IL2RA: variants seen among roughly 807,000 people sequenced by gnomAD.
IL2RA encodes interleukin 2 receptor subunit alpha.
In IL2RA, 24 loss-of-function variants were observed where a neutral mutation model predicts 37.8. The ratio of observed to expected loss-of-function variants is 0.63; its 90% CI spans 0.46 to 0.89. The LOEUF (loss-of-function observed/expected upper bound fraction) is 0.89, where lower values mean the gene tolerates loss of function less well. Ranked by LOEUF, IL2RA falls within the 40% of genes least tolerant of loss-of-function variation. The probability of loss-of-function intolerance (pLI) is 0.00; values close to 1 mark genes in which losing one functional copy is unlikely to be tolerated. For synonymous variants in IL2RA, 125 were observed against 114.6 expected, an observed-to-expected ratio of 1.09 and a Z score of -0.58; for missense variants, 319 against 348.6, an observed-to-expected ratio of 0.92 and a Z score of 0.68.
intron 1 of IL2RA, among the ~76,000 whole-genome samples, chr10:6,032,616 T>C (rs1431537362): frequency 4.0e-5 from 6 of 151,240 alleles, no homozygotes; most frequent in South Asian, 4.2e-4. Flanking sequence ...TGGCGTGAAC[T>C]TGGGAGGTGG....
chr10:6,025,988 G>A lies in IL2RA; in HGVS notation c.102C>T (p.Ala34=), dbSNP rs1188550680. ...CDDDPPEIPH[A]TFKAMAYKEG... ...CCTTGTAGGCCATGGCTTTGAATGTGGCGTGTGGGATCTCTGGCGGGTCAT... is the reference window on the plus strand; with the variant it reads ...CCTTGTAGGCCATGGCTTTGAATGTAGCGTGTGGGATCTCTGGCGGGTCAT... Residue 34 remains alanine (A), a synonymous_variant, in exon 2 of 8, where the codon GCC becomes GCT. Transcript: ENST00000379959. This position sits in a 1 kb window ranked among gnomAD's most constrained non-coding sequence, Gnocchi z 4.4. The A allele has an allele frequency of 6.2e-7, 1 of 1,613,776 alleles. No homozygotes were observed. The highest frequency in any genetic ancestry group is 1.7e-5 in the Admixed American group (1 of 60,026).
chr10:6,052,442 G>T (rs1839980511), intron 1 of IL2RA, among the ~76,000 whole-genome samples: 1 of 152,134 alleles, frequency 6.6e-6, no homozygotes, highest in Admixed American at 6.5e-5. Flanking sequence ...CTGACACATA[G>T]CAGTTCCTCA....
chr10:6,030,841 AT>A (rs1839564142), intron 1 of IL2RA, among the ~76,000 whole-genome samples: 1 of 152,192 alleles, frequency 6.6e-6, no homozygotes, highest in Non-Finnish European at 1.5e-5. Context: ...CAGTCCTAGT[AT>A]AAAAGTTAGG....
chr10:6,059,082 T>C (rs975229367), intron 1 of IL2RA, among the ~76,000 whole-genome samples: 1 of 152,260 alleles, frequency 6.6e-6, no homozygotes, highest in African/African-American at 2.4e-5. Flanking sequence ...AAAAAGTCTG[T>C]GATGAGATGG....
At chr10:6,043,635 A>G (rs1446632561) in intron 1 of IL2RA, among the ~76,000 whole-genome samples, 1 of 152,112 alleles carries the variant, frequency 6.6e-6, no homozygotes, top group Non-Finnish European at 1.5e-5. Context: ...ATGGGGTTTC[A>G]CCATGTTGGC....
rs970253342 is a variant in IL2RA at position 6,046,190 on chromosome 10, A to G, written c.64+15898T>C. Among the ~76,000 whole-genome samples the G allele has an allele frequency of 1.3e-5, 2 of 152,192 alleles. No homozygotes were observed. The highest frequency in any genetic ancestry group is 2.9e-5 in the Non-Finnish European group (2 of 68,022). On this transcript the variant is annotated intron_variant, in intron 1 of 7. Coordinates refer to ENST00000379959, the MANE Select transcript of IL2RA (RefSeq NM_000417.3). This position sits in a 1 kb window ranked among gnomAD's most constrained non-coding sequence, Gnocchi z 4.8. ...GTTTTACACAAGACACACATTGCAT[A>G]CACTGTGTGTTGTTGACAGGGATCA... is the stretch of plus-strand genomic sequence containing the variant.
At position 6,047,617 on chromosome 10, in the gene IL2RA, AT is replaced by A. The variant is rs1295753161; in HGVS notation, c.64+14470del. ...ATGAAGGATAATTAACGTATCTATTATTTTATTAGACATCACAATTCAAATA... is the reference window on the plus strand; with the variant it reads ...ATGAAGGATAATTAACGTATCTATTATTTATTAGACATCACAATTCAAATA... On this transcript the variant is annotated intron_variant, in intron 1 of 7. Transcript: ENST00000379959. This position sits in a 1 kb window ranked among gnomAD's most constrained non-coding sequence, Gnocchi z 5.0. Among the ~76,000 whole-genome samples the A allele has an allele frequency of 2.6e-5, 4 of 151,618 alleles. No individual in the cohort carries two copies. The highest frequency in any genetic ancestry group is 9.6e-5 in the African/African-American group (4 of 41,456).
rs550600620 is a variant in IL2RA, at chr10:6,054,151, C to A, written c.64+7937G>T. On this transcript the variant is annotated intron_variant, in intron 1 of 7. Transcript: ENST00000379959. This position sits in a 1 kb window ranked among gnomAD's most constrained non-coding sequence, Gnocchi z 4.5. ...CCTGAACCCCTCCTTAAGCAGGATG[C>A]CTGGATCCGGGTCGAGGGCTGCAGG... Among the ~76,000 whole-genome samples, 1 of 152,382 alleles carries A rather than the reference C, an allele frequency of 6.6e-6. No individual in the cohort carries two copies. Among genetic ancestry groups the A allele is most frequent in the East Asian group, 1.9e-4 (1 of 5,188 alleles).
rs12722666 is a variant in IL2RA, at chr10:6,034,618, T to C, written c.65-8593A>G. ...TCCCTATATTATCATTCTTTTATTT[T>C]TTAAGACAGCATACAACTGTCCTCA... On this transcript the variant is annotated intron_variant, in intron 1 of 7. Transcript: ENST00000379959. 4.3e-3 allele frequency among the ~76,000 whole-genome samples: 657 copies of C among 152,324 alleles called. 3 individuals carry two copies. The highest frequency in any genetic ancestry group is 0.014 in the African/African-American group (585 of 41,566).
chr10:6,017,741 G>A (rs3793713), intron 7 of IL2RA, among the ~76,000 whole-genome samples: 94,241 of 151,710 alleles, frequency 0.62, 29,591 homozygotes, highest in African/African-American at 0.67. Flanking sequence ...ATGCCCAACT[G>A]ATTTTTTGTA....
Position 6,044,562 on chromosome 10 carries a change from A to G in IL2RA, c.64+17526T>C, listed in dbSNP as rs765666432. Among the ~76,000 whole-genome samples, 1 of 152,206 alleles carries G rather than the reference A, an allele frequency of 6.6e-6. No individual in the cohort carries two copies. ...AAACTGACATGGCACACTCATGAGCATGTCTTATGGAAAGCTGCTTCTGCC... is the reference window on the plus strand; with the variant it reads ...AAACTGACATGGCACACTCATGAGCGTGTCTTATGGAAAGCTGCTTCTGCC... On this transcript the variant is annotated intron_variant, in intron 1 of 7. Coordinates refer to ENST00000379959, the MANE Select transcript of IL2RA (RefSeq NM_000417.3). This position sits in a 1 kb window ranked among gnomAD's most constrained non-coding sequence, Gnocchi z 4.5.
At chr10:6,060,825 C>T (rs533581490) in intron 1 of IL2RA, among the ~76,000 whole-genome samples, 1 of 152,242 alleles carries the variant, frequency 6.6e-6, no homozygotes, top group East Asian at 1.9e-4. Context: ...GACACTCCTA[C>T]ATCTGGGCCA....
intron 1 of IL2RA, among the ~76,000 whole-genome samples, chr10:6,053,768 T>A (rs904775458): frequency 6.6e-6 from 1 of 152,250 alleles, no homozygotes. Flanking sequence ...GTGCTGGGAT[T>A]ACAGGAATGA....
intron 3 of IL2RA, among the ~76,000 whole-genome samples, chr10:6,023,396 T>C (rs1013684061): frequency 6.6e-5 from 10 of 152,152 alleles, no homozygotes; most frequent in African/African-American, 2.4e-4. Flanking sequence ...AGTGCAGTGA[T>C]GCAATCTCTG....
chr10:6,032,977 T>C (rs957967892), intron 1 of IL2RA, among the ~76,000 whole-genome samples: 9 of 151,902 alleles, frequency 5.9e-5, no homozygotes, highest in South Asian at 2.1e-4. Context: ...ATGGAGGAAA[T>C]GGATAAAAGA....
chr10:6,018,163 G>T lies in IL2RA; in HGVS notation c.728-44C>A, dbSNP rs1488835190. On this transcript the variant is annotated intron_variant, in intron 6 of 7. Transcript: ENST00000379959. This position sits in a 1 kb window ranked among gnomAD's most constrained non-coding sequence, Gnocchi z 5.1. ...AGTTCAGCAAAGGGCCCTGGGCTTGGCATGGGGGCAGCAGGAGCCAGGGCC... is the reference window on the plus strand; with the variant it reads ...AGTTCAGCAAAGGGCCCTGGGCTTGTCATGGGGGCAGCAGGAGCCAGGGCC... 2.6e-6 allele frequency: 4 copies of T among 1,524,086 alleles called. No homozygotes were observed. The highest frequency in any genetic ancestry group is 1.1e-5 in the South Asian group (1 of 88,614). 94.4% of individuals were successfully genotyped at this position (1,524,086 alleles called of 1,614,324 possible).
At chr10:6,019,779 C>G in intron 5 of IL2RA, 91 bp downstream of exon 5, 1 of 1,216,926 alleles carries the variant, frequency 8.2e-7, no homozygotes, top group Non-Finnish European at 1.2e-6. Flanking sequence ...CCCTACAGGT[C>G]ACCTCCGCCT....
intron 1 of IL2RA, among the ~76,000 whole-genome samples, chr10:6,042,173 G>C: frequency 1.2e-4 from 1 of 8,548 alleles, no homozygotes; most frequent in African/African-American, 3.0e-4. Flanking sequence ...AAAAAATTCT[G>C]ATCAGTCAGA....
intron 1 of IL2RA, among the ~76,000 whole-genome samples, chr10:6,049,757 G>A (rs781751568): frequency 7.2e-5 from 11 of 152,192 alleles, no homozygotes; most frequent in Non-Finnish European, 1.0e-4. Context: ...AAAGGTTTTC[G>A]TAAAGGAAAG....
Sources: allele counts gnomAD v4.1 joint callset (sites outside exome capture counted in the v4.1 genomes callset), GRCh38; gene constraint gnomAD v4.1.1; non-coding constraint Gnocchi (gnomAD v3.1); transcripts MANE v1.5; gene names NCBI Gene and HGNC (gene_info 2026-07-23, HGNC 2026-07-21).